The following CLVS1 variants were observed in gnomAD, a reference collection of about 807,000 sequenced individuals.
The protein encoded by CLVS1 is clavesin-1.
In CLVS1, 10 loss-of-function variants were observed where a neutral mutation model predicts 33.1. The observed-to-expected ratio is 0.30, with a 90% confidence interval of 0.19 to 0.51. The LOEUF (loss-of-function observed/expected upper bound fraction) is 0.51. Among genes scored for constraint, CLVS1 ranks in the 20% least tolerant of loss-of-function variants. The pLI is 0.97. For missense variants in CLVS1, 343 were observed against 433.4 expected, an observed-to-expected ratio of 0.79 and a Z score of 1.85; for synonymous variants, 163 against 166.1, an observed-to-expected ratio of 0.98 and a Z score of 0.14.
chr8:61,050,662 T>G, the CLVS1 span, among the ~76,000 whole-genome samples: 1 of 152,234 alleles, frequency 6.6e-6, no homozygotes, highest in Non-Finnish European at 1.5e-5. Flanking sequence ...GACATTTCAC[T>G]CTTCCCTTTT....
chr8:60,995,061 T>C, the CLVS1 span, among the ~76,000 whole-genome samples: 1 of 151,960 alleles, frequency 6.6e-6, no homozygotes, highest in Non-Finnish European at 1.5e-5. Flanking sequence ...ATAAAAACCC[T>C]AGAAGAAAAC....
the CLVS1 span, among the ~76,000 whole-genome samples, chr8:61,042,592 A>G: frequency 6.9e-4 from 70 of 101,406 alleles, 3 homozygotes; most frequent in East Asian, 0.019. Flanking sequence ...CAATACTATC[A>G]CATTGGGGGA....
At chr8:61,053,934 A>G (rs1372735092), upstream of CLVS1, among the ~76,000 whole-genome samples, 1 of 152,200 alleles carries the variant, frequency 6.6e-6, no homozygotes, top group Non-Finnish European at 1.5e-5. Flanking sequence ...TTCTGGCTCC[A>G]GTCCTGCCCA....
At chr8:61,237,724 G>A (rs1808597908) in intron 2 of CLVS1, among the ~76,000 whole-genome samples, 1 of 152,120 alleles carries the variant, frequency 6.6e-6, no homozygotes, top group African/African-American at 2.4e-5. Flanking sequence ...GTGTGAGGAG[G>A]GCCCACAGAT....
At chr8:61,465,971 T>C (rs1817535124) in intron 5 of CLVS1, among the ~76,000 whole-genome samples, 1 of 152,172 alleles carries the variant, frequency 6.6e-6, no homozygotes, top group Non-Finnish European at 1.5e-5. Flanking sequence ...CCTTATTCCT[T>C]ATTTTATTTT....
the CLVS1 span, among the ~76,000 whole-genome samples, chr8:61,034,990 G>A: frequency 3.3e-5 from 5 of 152,056 alleles, no homozygotes; most frequent in African/African-American, 4.8e-5. Context: ...TCAGAAAAGC[G>A]TCCTTGAGGG....
intron 3 of CLVS1, among the ~76,000 whole-genome samples, chr8:61,451,812 C>CAGAGAGAGAGAGAGAG (rs71257362): frequency 5.6e-5 from 8 of 142,934 alleles, no homozygotes; most frequent in African/African-American, 1.8e-4. Flanking sequence ...CACACACACA[C>CAGAGAGAGAGAGAGAG]AGAGAGAGAG....
chr8:61,392,727 C>T (rs553286549), intron 3 of CLVS1, among the ~76,000 whole-genome samples: 14 of 151,568 alleles, frequency 9.2e-5, no homozygotes, highest in Admixed American at 8.5e-4. Context: ...GGGCTTGGTG[C>T]CACACGGCTG....
intron 2 of CLVS1, among the ~76,000 whole-genome samples, chr8:61,347,626 T>C (rs1001066552): frequency 8.1e-5 from 3 of 37,044 alleles, no homozygotes; most frequent in Non-Finnish European, 1.4e-4. Context: ...GGCCATTCCA[T>C]TATATATATA....
intron 1 of CLVS1, among the ~76,000 whole-genome samples, chr8:61,123,459 T>C (rs576014217): frequency 6.6e-6 from 1 of 152,238 alleles, no homozygotes; most frequent in Non-Finnish European, 1.5e-5. Context: ...TGTATGCTAC[T>C]AAGCTAAAAA....
chr8:60,998,733 G>T, the CLVS1 span, among the ~76,000 whole-genome samples: 3 of 152,196 alleles, frequency 2.0e-5, no homozygotes, highest in South Asian at 6.2e-4. Context: ...AGAATCCACA[G>T]CAAAGCAGTG....
chr8:61,251,781 G>GT (rs1237737636), intron 2 of CLVS1, among the ~76,000 whole-genome samples: 3 of 151,984 alleles, frequency 2.0e-5, no homozygotes, highest in Non-Finnish European at 2.9e-5. Flanking sequence ...ATTTTTTATT[G>GT]TATCTATTTG....
the CLVS1 span, among the ~76,000 whole-genome samples, chr8:61,038,930 T>G: frequency 6.6e-6 from 1 of 152,256 alleles, no homozygotes; most frequent in East Asian, 1.9e-4. Flanking sequence ...TTGCTGTTAC[T>G]GTTGCTGATG....
intron 2 of CLVS1, among the ~76,000 whole-genome samples, chr8:61,276,035 G>T (rs998606650): frequency 4.6e-5 from 7 of 152,186 alleles, no homozygotes; most frequent in African/African-American, 1.7e-4. Context: ...GGAAAAAAAG[G>T]TTTCGTTTGT....
intron 2 of CLVS1, among the ~76,000 whole-genome samples, chr8:61,206,578 CT>C (rs1487105349): frequency 1.3e-5 from 2 of 148,462 alleles, no homozygotes; most frequent in Non-Finnish European, 3.0e-5. Context: ...ATTTTCTTTT[CT>C]TTTTTTCTTT....
chr8:61,125,346 G>C (rs1242929881), intron 1 of CLVS1, among the ~76,000 whole-genome samples: 1 of 152,182 alleles, frequency 6.6e-6, no homozygotes, highest in Non-Finnish European at 1.5e-5. Context: ...CTGTGGGAGA[G>C]CAGGACAGGT....
At chr8:61,296,823 G>C (rs578069162) in intron 1 of CLVS1, among the ~76,000 whole-genome samples, 1 of 152,122 alleles carries the variant, frequency 6.6e-6, no homozygotes, top group Non-Finnish European at 1.5e-5. Flanking sequence ...CAATGAAGTC[G>C]CTCTGCCCAT....
At chr8:61,013,788 A>G in the CLVS1 span, among the ~76,000 whole-genome samples, 2 of 152,158 alleles carry the variant, frequency 1.3e-5, no homozygotes, top group South Asian at 2.1e-4. Flanking sequence ...AATATATTCC[A>G]TGACCCCTCC....
chr8:61,248,680 A>G (rs965590387), intron 2 of CLVS1, among the ~76,000 whole-genome samples: 1 of 151,878 alleles, frequency 6.6e-6, no homozygotes, highest in African/African-American at 2.4e-5. Context: ...GTACAATGTA[A>G]GTTATATTTT....
Sources: allele counts gnomAD v4.1 joint callset (sites outside exome capture counted in the v4.1 genomes callset), GRCh38; gene constraint gnomAD v4.1.1; transcripts MANE v1.5; gene names NCBI Gene and HGNC (gene_info 2026-07-23, HGNC 2026-07-21).